PTPRD: variants seen among roughly 807,000 people sequenced by gnomAD.
The protein encoded by PTPRD is protein tyrosine phosphatase receptor type D, also known as receptor-type tyrosine-protein phosphatase delta.
In PTPRD, 34 loss-of-function variants were observed where a neutral mutation model predicts 214.5. The ratio of observed to expected loss-of-function variants is 0.16; its 90% CI spans 0.12 to 0.21. PTPRD has a LOEUF of 0.21. Among genes scored for constraint, PTPRD ranks in the 10% least tolerant of loss-of-function variants. The pLI is 1.00. For missense variants in PTPRD, 2,545 were observed against 2,398.7 expected (o/e 1.06, Z -1.27); for synonymous variants, 1,128 against 845.7 (o/e 1.33, Z -5.79).
intron 8 of PTPRD, among the ~76,000 whole-genome samples, chr9:9,559,150 C>G (rs2082262360): frequency 6.6e-6 from 1 of 152,160 alleles, no homozygotes. Context: ...TATGCAGTTA[C>G]TAACTGCTTC....
chr9:8,423,551 G>C (rs1014753906), intron 35 of PTPRD, among the ~76,000 whole-genome samples: 4 of 152,122 alleles, frequency 2.6e-5, no homozygotes, highest in Non-Finnish European at 4.4e-5. Flanking sequence ...CATATTAAAA[G>C]ACTTATAAAT....
intron 10 of PTPRD, among the ~76,000 whole-genome samples, chr9:9,023,481 A>C (rs938046723): frequency 6.6e-6 from 1 of 152,082 alleles, no homozygotes; most frequent in African/African-American, 2.4e-5. Flanking sequence ...CACAATTATG[A>C]AATATGATTT....
At chr9:9,473,688 C>T (rs1356548046) in intron 8 of PTPRD, among the ~76,000 whole-genome samples, 1 of 152,018 alleles carries the variant, frequency 6.6e-6, no homozygotes, top group Non-Finnish European at 1.5e-5. Context: ...GGGTGACATA[C>T]TTCATCACTG....
At position 9,689,801 on chromosome 9, in the gene PTPRD, C is replaced by G. The variant is rs189087216; in HGVS notation, c.-287+44732G>C. 2.0e-5 allele frequency among the ~76,000 whole-genome samples: 3 copies of G among 151,984 alleles called. No individual in the cohort carries two copies. The East Asian group carries it at 5.8e-4, about 29-fold the overall frequency. On this transcript the variant is annotated intron_variant, in intron 7 of 45. Coordinates refer to ENST00000381196, the MANE Select transcript of PTPRD (RefSeq NM_002839.4). ...ATGACCTCCAGTTCCGTAGACGTTG[C>G]TGCAAATGACAGGATTTCATTTTTT... is the stretch of plus-strand genomic sequence containing the variant.
At chr9:10,592,824 C>T (rs1288554771) in intron 2 of PTPRD, among the ~76,000 whole-genome samples, 2 of 151,842 alleles carry the variant, frequency 1.3e-5, no homozygotes, top group East Asian at 1.9e-4. Context: ...GATTGAAAAA[C>T]GGGAACACTG....
At chr9:8,677,277 C>T (rs1411854946) in intron 12 of PTPRD, among the ~76,000 whole-genome samples, 1 of 152,232 alleles carries the variant, frequency 6.6e-6, no homozygotes, top group East Asian at 1.9e-4. Context: ...CCTAAATGTT[C>T]ATCAACAGTA....
rs185224087 is a variant in PTPRD, at chr9:8,380,321, T to C, written c.4387-3595A>G. 1.2e-3 allele frequency among the ~76,000 whole-genome samples: 180 copies of C among 152,202 alleles called. 1 individual carries two copies. Among genetic ancestry groups the C allele is most frequent in the African/African-American group, 4.2e-3 (176 of 41,528 alleles). ...TTCTTCAAATAGGTGGTTCTGAGATTCCAAACAATTCTCTTCATCTATGTG... is the reference window on the plus strand; with the variant it reads ...TTCTTCAAATAGGTGGTTCTGAGATCCCAAACAATTCTCTTCATCTATGTG... On this transcript the variant is annotated intron_variant, in intron 37 of 45. Coordinates refer to ENST00000381196, the MANE Select transcript of PTPRD (RefSeq NM_002839.4).
intron 35 of PTPRD, among the ~76,000 whole-genome samples, chr9:8,416,458 G>A (rs1289496701): frequency 1.3e-5 from 2 of 152,088 alleles, no homozygotes; most frequent in Non-Finnish European, 2.9e-5. Context: ...TACTTTCCAG[G>A]AAGAGGGAAA....
chr9:9,935,231 C>T (rs369959460), intron 5 of PTPRD, among the ~76,000 whole-genome samples: 23 of 151,808 alleles, frequency 1.5e-4, no homozygotes, highest in South Asian at 4.2e-4. Context: ...CCAGGGCAAT[C>T]AGGCAGGAGA....
intron 11 of PTPRD, among the ~76,000 whole-genome samples, chr9:8,935,755 G>C (rs554286089): frequency 6.6e-6 from 1 of 152,264 alleles, no homozygotes; most frequent in African/African-American, 2.4e-5. Context: ...TTTTCAAAAG[G>C]CCTTCCAAAG....
intron 6 of PTPRD, among the ~76,000 whole-genome samples, chr9:9,750,505 TCTA>T (rs2098506276): frequency 6.6e-6 from 1 of 152,066 alleles, no homozygotes; most frequent in South Asian, 2.1e-4. Flanking sequence ...CACCAAGACT[TCTA>T]CTTACCTCAC....
intron 2 of PTPRD, among the ~76,000 whole-genome samples, chr9:10,564,016 T>A (rs1375762030): frequency 6.6e-6 from 1 of 151,420 alleles, no homozygotes; most frequent in Non-Finnish European, 1.5e-5. Flanking sequence ...TTTTTCTCTC[T>A]CTCTTTTGAG....
chr9:9,290,685 A>T (rs1000689773), intron 9 of PTPRD, among the ~76,000 whole-genome samples: 2 of 151,604 alleles, frequency 1.3e-5, no homozygotes, highest in African/African-American at 2.4e-5. Context: ...CTTTGAATCA[A>T]TGATTAGCAT....
intron 9 of PTPRD, among the ~76,000 whole-genome samples, chr9:9,190,190 T>G (rs1026854062): frequency 3.2e-4 from 48 of 152,052 alleles, no homozygotes; most frequent in African/African-American, 1.1e-3. Flanking sequence ...GATTAATGCT[T>G]TAATTGTGGG....
chr9:9,049,668 G>A (rs1394419476), intron 10 of PTPRD, among the ~76,000 whole-genome samples: 1 of 152,040 alleles, frequency 6.6e-6, no homozygotes, highest in Non-Finnish European at 1.5e-5. Flanking sequence ...GAGGTTGTGG[G>A]GTTTTAGGTC....
At chr9:8,596,587 G>C (rs1399334393) in intron 14 of PTPRD, among the ~76,000 whole-genome samples, 1 of 151,816 alleles carries the variant, frequency 6.6e-6, no homozygotes, top group Non-Finnish European at 1.5e-5. Context: ...AACAAGACTG[G>C]TTTCAATATT....
At chr9:9,428,086 CTAAA>C (rs1701691034) in intron 8 of PTPRD, among the ~76,000 whole-genome samples, 1 of 152,100 alleles carries the variant, frequency 6.6e-6, no homozygotes. Flanking sequence ...TGTATATGGG[CTAAA>C]TGTTACAATT....
intron 3 of PTPRD, among the ~76,000 whole-genome samples, chr9:10,330,626 C>T (rs2096731836): frequency 6.6e-6 from 1 of 151,354 alleles, no homozygotes; most frequent in Non-Finnish European, 1.5e-5. Flanking sequence ...AATTCATTCC[C>T]TAAATGGTTT....
At chr9:9,649,096 C>G (rs759149433) in intron 7 of PTPRD, among the ~76,000 whole-genome samples, 2 of 151,998 alleles carry the variant, frequency 1.3e-5, no homozygotes, top group African/African-American at 2.4e-5. Context: ...GTAAACAAAC[C>G]AAGACGCAGT....
Sources: allele counts gnomAD v4.1 joint callset (sites outside exome capture counted in the v4.1 genomes callset), GRCh38; gene constraint gnomAD v4.1.1; transcripts MANE v1.5; gene names NCBI Gene and HGNC (gene_info 2026-07-23, HGNC 2026-07-21).